Variants in CDC42BPB observed in about 807,000 individuals in gnomAD.
The protein encoded by CDC42BPB is serine/threonine-protein kinase MRCK beta.
A neutral mutation model predicts 214.9 loss-of-function variants in CDC42BPB; 37 were observed. The ratio of observed to expected loss-of-function variants is 0.17; its 90% confidence interval spans 0.13 to 0.23. CDC42BPB has a LOEUF of 0.23. Among genes scored for constraint, CDC42BPB ranks in the 10% least tolerant of loss-of-function variants. The pLI, the probability that CDC42BPB is intolerant of heterozygous loss-of-function variation, is 1.00. For missense variants in CDC42BPB, 1,694 were observed against 2,227.0 expected (o/e 0.76, Z 4.82); for synonymous variants, 931 against 884.0 (o/e 1.05, Z -0.94).
intron 25 of CDC42BPB, chr14:102,950,216 C>A: frequency 1.6e-6 from 1 of 643,220 alleles, no homozygotes; most frequent in Non-Finnish European, 1.9e-6. Flanking sequence ...CTTCTGCCCA[C>A]TGGCTGGACA....
rs1177161527 is a variant in CDC42BPB at position 103,001,781 on chromosome 14, C to T, written c.448-2068G>A. 3.3e-5 allele frequency among the ~76,000 whole-genome samples: 5 copies of T among 152,256 alleles called. No homozygotes were observed. The highest frequency in any genetic ancestry group is 1.9e-4 in the East Asian group (1 of 5,178). ...AGGCCCTCGGGCCCCTAAGGAAGGC[C>T]GTGGGGTCGAGTCAAGCCCTTACTA... On this transcript the variant is annotated intron_variant, in intron 4 of 36. Coordinates refer to ENST00000361246, the MANE Select transcript of CDC42BPB (RefSeq NM_006035.4). This position sits in a 1 kb window ranked among gnomAD's most constrained non-coding sequence, Gnocchi z 5.8.
At chr14:102,938,231 C>T (rs1307514288) in intron 35 of CDC42BPB, 57 bp from the exon 36 acceptor site, 64 of 1,603,330 alleles carry the variant, frequency 4.0e-5, no homozygotes, top group Non-Finnish European at 5.3e-5. Flanking sequence ...GAATCAAATG[C>T]CTGGGGTCTC....
chr14:102,969,234 TG>T (rs1893361879), intron 14 of CDC42BPB, among the ~76,000 whole-genome samples: 1 of 152,062 alleles, frequency 6.6e-6, no homozygotes, highest in Non-Finnish European at 1.5e-5. Context: ...TGGAGTGAGG[TG>T]GGACGTGTTG....
chr14:103,041,496 G>A, intron 1 of CDC42BPB: 3 of 1,367,366 alleles, frequency 2.2e-6, no homozygotes, highest in South Asian at 2.4e-5. Context: ...TGGCATGGAA[G>A]CCCCACTTCC....
At chr14:103,039,721 C>G (rs551395453) in intron 1 of CDC42BPB, among the ~76,000 whole-genome samples, 1 of 152,232 alleles carries the variant, frequency 6.6e-6, no homozygotes, top group East Asian at 1.9e-4. Context: ...ACAAGAATGT[C>G]CCTAGTGCTG....
intron 1 of CDC42BPB, among the ~76,000 whole-genome samples, chr14:103,027,115 T>C (rs1274555323): frequency 6.6e-6 from 1 of 152,148 alleles, no homozygotes; most frequent in African/African-American, 2.4e-5. Flanking sequence ...ATCAGGGAAA[T>C]GCAAATCAAA....
At chr14:102,954,551 A>G in intron 22 of CDC42BPB, 51 bp downstream of exon 22, 1 of 1,522,020 alleles carries the variant, frequency 6.6e-7, no homozygotes, top group Non-Finnish European at 9.1e-7. Context: ...GGTCACCTGG[A>G]CACGAGGGCA....
chr14:103,011,294 G>A (rs561428406), intron 2 of CDC42BPB, among the ~76,000 whole-genome samples: 11 of 152,344 alleles, frequency 7.2e-5, no homozygotes, highest in South Asian at 4.1e-4. Flanking sequence ...CCTCCCCTAG[G>A]CAAAGCCAAC....
chr14:103,006,752 C>T (rs1472505695), intron 3 of CDC42BPB, among the ~76,000 whole-genome samples: 1 of 152,160 alleles, frequency 6.6e-6, no homozygotes, highest in Non-Finnish European at 1.5e-5. Flanking sequence ...CACACATATA[C>T]TCTAGTATAA....
intron 5 of CDC42BPB, 71 bp from the exon 6 acceptor site, chr14:102,986,651 A>C (rs1894258695): frequency 1.9e-6 from 3 of 1,562,174 alleles, no homozygotes; most frequent in Non-Finnish European, 2.6e-6. Context: ...GCCCTTAACT[A>C]GTGGTGATCA....
chr14:102,974,216 C>A (rs752462939), intron 11 of CDC42BPB, 67 bp from the exon 12 acceptor site: 184 of 1,564,408 alleles, frequency 1.2e-4, no homozygotes, highest in Non-Finnish European at 1.3e-4. Flanking sequence ...TTTATGTTAG[C>A]TGACTTACTG....
rs1487488664 is a variant in CDC42BPB at position 103,001,059 on chromosome 14, C to T, written c.448-1346G>A. Among the ~76,000 whole-genome samples the T allele has an allele frequency of 6.6e-6, 1 of 152,160 alleles. No homozygotes were observed. The highest frequency in any genetic ancestry group is 1.5e-5 in the Non-Finnish European group (1 of 68,026). On this transcript the variant is annotated intron_variant, in intron 4 of 36. Coordinates refer to ENST00000361246, the MANE Select transcript of CDC42BPB (RefSeq NM_006035.4). The surrounding 1 kb of genome is among the most constrained non-coding windows in gnomAD (Gnocchi z 5.8). ...ACGACAGAAGCCTTCATTTTAGGTCCCTGCTCTCAACAGAATCTTTACCAG... is the reference window on the plus strand; with the variant it reads ...ACGACAGAAGCCTTCATTTTAGGTCTCTGCTCTCAACAGAATCTTTACCAG...
At position 102,983,580 on chromosome 14, in the gene CDC42BPB, G is replaced by C; in HGVS notation, c.867C>G (p.Thr289=). ...CTTCATGGTTCATGATCTTCCCATAGGTCTCCACGAGTGACTCCGCATAAA... is the reference window on the plus strand; with the variant it reads ...CTTCATGGTTCATGATCTTCCCATACGTCTCCACGAGTGACTCCGCATAAA... ...TPFYAESLVE[T]YGKIMNHEER... is the part of the protein sequence containing the mutation. The change falls in exon 7 of 37, where the codon ACC becomes ACG. Residue 289 remains threonine, a synonymous_variant. Transcript: ENST00000361246. 6.2e-7 allele frequency: 1 copy of C among 1,606,502 alleles called. No individual in the cohort carries two copies. The highest frequency in any genetic ancestry group is 8.5e-7 in the Non-Finnish European group (1 of 1,179,840).
chr14:102,939,296 T>A (rs1891783497), intron 34 of CDC42BPB, among the ~76,000 whole-genome samples: 1 of 152,202 alleles, frequency 6.6e-6, no homozygotes, highest in Non-Finnish European at 1.5e-5. Context: ...TACGAAGGTG[T>A]TACTGAGAAA....
chr14:103,056,316 A>C (rs925027179), intron 1 of CDC42BPB, among the ~76,000 whole-genome samples: 1 of 152,186 alleles, frequency 6.6e-6, no homozygotes, highest in Admixed American at 6.5e-5. Context: ...TAAAGCCTTA[A>C]CCTTAAAATT....
At chr14:102,946,446 G>A (rs373318984) in intron 28 of CDC42BPB, 22 bp downstream of exon 28, 233 of 1,611,812 alleles carry the variant, frequency 1.4e-4, no homozygotes, top group Non-Finnish European at 1.8e-4. Flanking sequence ...GACACCTGAA[G>A]GACACAACCT....
chr14:103,050,197 A>G (rs972744226), intron 1 of CDC42BPB, among the ~76,000 whole-genome samples: 1 of 152,222 alleles, frequency 6.6e-6, no homozygotes, highest in African/African-American at 2.4e-5. Flanking sequence ...TAAAACTTCA[A>G]GTGGGAAAGG....
chr14:103,056,873 C>T, intron 1 of CDC42BPB, 126 bp downstream of exon 1: 2 of 618,706 alleles, frequency 3.2e-6, no homozygotes, highest in Admixed American at 8.7e-5. Flanking sequence ...GAGGCGAAGC[C>T]CACGAGCTGG....
Position 102,949,884 on chromosome 14 carries a change from C to T in CDC42BPB, c.3330G>A (p.Val1110=). ...CATATGCGCGCTGCCATCCCTTCTT[C>T]ACCCCCGTGGGCTTTGGGACCTATG... ...GHVKVPKPTG[V]KKGWQRAYAV... is the part of the protein sequence containing the mutation. Residue 1110 remains valine, a synonymous_variant, in exon 26 of 37, where the codon GTG becomes GTA. Transcript: ENST00000361246. The T allele has an allele frequency of 6.2e-7, 1 of 1,613,610 alleles. No individual in the cohort carries two copies. The highest frequency in any genetic ancestry group is 1.3e-5 in the African/African-American group (1 of 75,076).
Sources: gnomAD v4.1 joint callset for allele counts (sites outside exome capture counted in the v4.1 genomes callset) on GRCh38, gnomAD v4.1.1 for gene constraint, Gnocchi (gnomAD v3.1) non-coding constraint, MANE v1.5 for transcripts, NCBI Gene and HGNC (gene_info 2026-07-23, HGNC 2026-07-21) for gene names.